The following ZNF385D variants were observed in gnomAD, a reference collection of about 807,000 sequenced individuals.
ZNF385D encodes the protein zinc finger protein 385D.
In ZNF385D, 15 loss-of-function variants were observed where a neutral mutation model predicts 35.8. That is an observed-to-expected ratio of 0.42 (90% CI 0.28 to 0.64). The LOEUF is 0.64. Ranked by LOEUF, ZNF385D falls within the 30% of genes least tolerant of loss-of-function variation. The pLI, the probability that ZNF385D is intolerant of heterozygous loss-of-function variation, is 0.23. For synonymous variants in ZNF385D, 212 were observed against 186.8 expected (o/e 1.13, Z -1.10); for missense variants, 474 against 494.6 (o/e 0.96, Z 0.39).
chr3:21,549,005 T>C (rs576187828), intron 3 of ZNF385D, among the ~76,000 whole-genome samples: 1 of 152,358 alleles, frequency 6.6e-6, no homozygotes, highest in South Asian at 2.1e-4. Context: ...CATAATACTC[T>C]ATAGAAATGT....
At chr3:21,688,869 G>A (rs1489616560) in intron 1 of ZNF385D, among the ~76,000 whole-genome samples, 1 of 152,112 alleles carries the variant, frequency 6.6e-6, no homozygotes, top group Non-Finnish European at 1.5e-5. Context: ...AATAGTATGT[G>A]CATGCTATGA....
intron 2 of ZNF385D, among the ~76,000 whole-genome samples, chr3:22,236,488 C>T (rs76304877): frequency 1.6e-3 from 240 of 152,252 alleles, no homozygotes; most frequent in Middle Eastern, 3.4e-3. Context: ...TAAGTTACCA[C>T]ATGCATGAAT....
chr3:22,155,174 T>C (rs1705506588), intron 3 of ZNF385D, among the ~76,000 whole-genome samples: 1 of 152,124 alleles, frequency 6.6e-6, no homozygotes, highest in South Asian at 2.1e-4. Flanking sequence ...CCCGTAAATA[T>C]CTATAATTAT....
chr3:22,212,216 G>T (rs1050168324), intron 2 of ZNF385D, among the ~76,000 whole-genome samples: 6 of 151,992 alleles, frequency 3.9e-5, no homozygotes, highest in Admixed American at 3.9e-4. Context: ...GAAGAAGGAG[G>T]TGACCATCAA....
At chr3:21,460,217 G>C (rs887865298) in intron 4 of ZNF385D, among the ~76,000 whole-genome samples, 11 of 152,040 alleles carry the variant, frequency 7.2e-5, no homozygotes, top group Admixed American at 5.9e-4. Flanking sequence ...TAAAATTCAA[G>C]TATTGTTTAG....
chr3:21,747,680 C>G (rs146002139), intron 1 of ZNF385D, among the ~76,000 whole-genome samples: 7 of 152,298 alleles, frequency 4.6e-5, no homozygotes, highest in African/African-American at 1.7e-4. Context: ...AGGCGCTGAG[C>G]AATTGCTGGG....
chr3:22,123,960 CTCTATATATATATATA>C (rs1703267893), intron 3 of ZNF385D, among the ~76,000 whole-genome samples: 1 of 72,854 alleles, frequency 1.4e-5, no homozygotes, highest in Admixed American at 1.4e-4. Flanking sequence ...CTCTCTCTCT[CTCTATATATATATATA>C]TATATATATA....
At chr3:22,258,121 A>G (rs1700410073) in intron 2 of ZNF385D, among the ~76,000 whole-genome samples, 1 of 151,746 alleles carries the variant, frequency 6.6e-6, no homozygotes, top group South Asian at 2.1e-4. Flanking sequence ...GTGAGGGGAG[A>G]GCCTTACTCT....
chr3:22,182,420 G>C (rs1462019609), intron 2 of ZNF385D, among the ~76,000 whole-genome samples: 1 of 152,048 alleles, frequency 6.6e-6, no homozygotes, highest in Non-Finnish European at 1.5e-5. Flanking sequence ...TGAAGAACTT[G>C]ATCACCTGAT....
intron 3 of ZNF385D, among the ~76,000 whole-genome samples, chr3:22,139,966 G>T (rs1252106643): frequency 2.0e-5 from 3 of 152,192 alleles, no homozygotes; most frequent in Non-Finnish European, 4.4e-5. Flanking sequence ...ATCAAGAACT[G>T]ATGAGGATAT....
intron 3 of ZNF385D, among the ~76,000 whole-genome samples, chr3:21,809,729 C>CAT (rs748239695): frequency 1.1e-4 from 17 of 150,680 alleles, no homozygotes; most frequent in South Asian, 2.1e-4. Context: ...TATACACACA[C>CAT]ATATATATAT....
chr3:22,292,995 A>G (rs1037490818), intron 2 of ZNF385D, among the ~76,000 whole-genome samples: 2 of 152,076 alleles, frequency 1.3e-5, no homozygotes, highest in African/African-American at 4.8e-5. Context: ...CAACTACATG[A>G]TTTATTATCT....
chr3:21,574,477 G>A (rs574549287), intron 2 of ZNF385D, among the ~76,000 whole-genome samples: 17 of 152,214 alleles, frequency 1.1e-4, no homozygotes, highest in African/African-American at 4.1e-4. Context: ...CTAACAAACT[G>A]CACAATAAAC....
chr3:21,498,848 C>G (rs1176536107), intron 4 of ZNF385D, among the ~76,000 whole-genome samples: 1 of 145,208 alleles, frequency 6.9e-6, no homozygotes, highest in East Asian at 2.1e-4. Flanking sequence ...GAGGCTGAGG[C>G]AGGAGAATCG....
At chr3:21,933,018 T>A (rs1424683252) in intron 3 of ZNF385D, among the ~76,000 whole-genome samples, 1 of 152,150 alleles carries the variant, frequency 6.6e-6, no homozygotes, top group African/African-American at 2.4e-5. Flanking sequence ...CCAGGGGATG[T>A]TGAAGTTCTG....
At chr3:21,808,766 C>G (rs1276940565) in intron 3 of ZNF385D, among the ~76,000 whole-genome samples, 1 of 152,134 alleles carries the variant, frequency 6.6e-6, no homozygotes, top group African/African-American at 2.4e-5. Context: ...CAGGGGAAAC[C>G]CTAGAGCAGC....
intron 2 of ZNF385D, among the ~76,000 whole-genome samples, chr3:22,170,988 T>A (rs916150094): frequency 6.6e-6 from 1 of 152,184 alleles, no homozygotes; most frequent in African/African-American, 2.4e-5. Context: ...TACTACCATA[T>A]GAAGCACAAA....
At chr3:21,574,294 G>T (rs1053904910) in intron 2 of ZNF385D, among the ~76,000 whole-genome samples, 2 of 152,044 alleles carry the variant, frequency 1.3e-5, no homozygotes, top group African/African-American at 4.8e-5. Flanking sequence ...CACAAGAAAA[G>T]TCTCTACGTG....
chr3:22,137,935 C>T (rs968912044), intron 3 of ZNF385D, among the ~76,000 whole-genome samples: 30 of 152,158 alleles, frequency 2.0e-4, no homozygotes, highest in Admixed American at 3.9e-4. Flanking sequence ...CGTCTCAGCC[C>T]AAAATCTCCT....
Sources: gnomAD v4.1 joint callset for allele counts (sites outside exome capture counted in the v4.1 genomes callset) on GRCh38, gnomAD v4.1.1 for gene constraint, MANE v1.5 for transcripts, NCBI Gene and HGNC (gene_info 2026-07-23, HGNC 2026-07-21) for gene names.